The following C6orf141 variants were observed in gnomAD, a reference collection of about 807,000 sequenced individuals.
The protein encoded by C6orf141 is uncharacterized protein C6orf141.
For synonymous variants in C6orf141, 164 were observed against 140.5 expected, an observed-to-expected ratio of 1.17 and a Z score of -1.18; for missense variants, 361 against 335.8, an observed-to-expected ratio of 1.07 and a Z score of -0.59.
chr6:49,551,317 C>G lies in C6orf141; in HGVS notation c.525C>G (p.Ser175=). ...YQVTQEVLQT[S]WAKGRMTTRT... ...TAACACAAGAAGTGTTGCAGACCTC[C>G]TGGGCCAAGGGTCGCATGACCACGA... Residue 175 remains serine (S), a synonymous_variant, in exon 1 of 1, where the codon TCC becomes TCG. Coordinates refer to ENST00000529246, the MANE Select transcript of C6orf141 (RefSeq NM_001145652.2). 6.4e-7 allele frequency: 1 copy of G among 1,551,698 alleles called. No homozygotes were observed. The highest frequency in any genetic ancestry group is 8.7e-7 in the Non-Finnish European group (1 of 1,146,992).
chr6:49,554,726 G>A (rs1430595312), downstream of C6orf141, among the ~76,000 whole-genome samples: 2 of 151,848 alleles, frequency 1.3e-5, no homozygotes, highest in African/African-American at 4.8e-5. Context: ...TTTTCTCACT[G>A]TTTCAAGCAA....
At position 49,551,468 on chromosome 6, in the gene C6orf141, G is replaced by C. The variant is rs775922102; in HGVS notation, c.676G>C (p.Ala226Pro). 1.9e-6 allele frequency: 3 copies of C among 1,551,594 alleles called. No individual in the cohort carries two copies. Among genetic ancestry groups the C allele is most frequent in the Admixed American group, 2.0e-5 (1 of 51,004 alleles). The stretch of plus-strand genomic sequence containing the variant: ...ACGAACAGGGGCATCCCGCGTCCAC[G>C]CCGCGGGGAGGAGGGTTTCACCGTC... ...QARTGASRVH[A>P]AGRRVSPSPG... The change falls in exon 1 of 1, where the codon GCC (alanine) becomes CCC (proline). Residue 226 changes from alanine (A) to proline (P), a missense_variant. Physicochemically the swap from Ala to Pro is conservative, Grantham distance 27 (BLOSUM62 -1). Coordinates refer to ENST00000529246, the MANE Select transcript of C6orf141 (RefSeq NM_001145652.2).
At chr6:49,560,903 A>G (rs1773186521) in intron 4 of C6orf141, 2 of 152,150 alleles carry the variant, frequency 1.3e-5, no homozygotes, top group African/African-American at 4.8e-5. Flanking sequence ...TATTGCTTAA[A>G]TTTTAATAAA....
At chr6:49,557,973 C>T (rs1197442928) in intron 4 of C6orf141, among the ~76,000 whole-genome samples, 1 of 151,930 alleles carries the variant, frequency 6.6e-6, no homozygotes, top group East Asian at 1.9e-4. Flanking sequence ...CTTACTGCAA[C>T]CTCCGCCTCC....
At chr6:49,552,901 T>A (rs188542967), downstream of C6orf141, 1 of 152,238 alleles carries the variant, frequency 6.6e-6, no homozygotes, top group African/African-American at 2.4e-5. Flanking sequence ...AAAAGATGCC[T>A]GAGGATATCC....
At position 49,551,124 on chromosome 6, in the gene C6orf141, C is replaced by A; in HGVS notation, c.332C>A (p.Ala111Asp). The A allele has an allele frequency of 3.9e-6, 6 of 1,551,666 alleles. No homozygotes were observed. The highest frequency in any genetic ancestry group is 5.2e-6 in the Non-Finnish European group (6 of 1,146,968). Residue 111 changes from alanine to aspartate, a missense_variant, in exon 1 of 1, where the codon GCC becomes GAC. Physicochemically the swap from Ala to Asp is moderately radical, Grantham distance 126 (BLOSUM62 -2). Transcript: ENST00000529246. ...TRGDPAREEV[A>D]GAEDLPHAGG... Reference sequence around the variant, plus strand: ...GGGGACCCTGCACGGGAAGAGGTGGCCGGTGCAGAGGACCTTCCTCATGCG... The same window carrying A: ...GGGGACCCTGCACGGGAAGAGGTGGACGGTGCAGAGGACCTTCCTCATGCG...
chr6:49,558,289 G>T (rs1373944376), intron 4 of C6orf141, among the ~76,000 whole-genome samples: 1 of 151,802 alleles, frequency 6.6e-6, no homozygotes, highest in Non-Finnish European at 1.5e-5. Context: ...GAAAAAGAAA[G>T]GCTTTAGTTA....
rs1770717851 is a variant in C6orf141, at chr6:49,551,882, A to T, written c.*355A>T. On this transcript the variant is annotated 3_prime_UTR_variant, in exon 1 of 1. Coordinates refer to ENST00000529246, the MANE Select transcript of C6orf141 (RefSeq NM_001145652.2). ...CGCCCCCCTCTTGTTTCTCTTTAGG[A>T]CCTAGAAACAGAAGTGAAGTTTGAA... 3 of 1,124,698 alleles carry T rather than the reference A, an allele frequency of 2.7e-6. No individual in the cohort carries two copies. The African/African-American group carries it at 5.0e-5, about 19-fold the overall frequency. 69.7% of individuals were successfully genotyped at this position (1,124,698 alleles called of 1,614,324 possible).
Position 49,550,849 on chromosome 6 carries a change from C to T in C6orf141, c.57C>T (p.Pro19=). 2 of 1,496,434 alleles carry T rather than the reference C, an allele frequency of 1.3e-6. No homozygotes were observed. The highest frequency in any genetic ancestry group is 2.5e-5 in the East Asian group (1 of 40,472). The allele number at this position is 1,496,434 out of a possible 1,614,324, so 92.7% of individuals were successfully genotyped here. Residue 19 remains proline (P), a synonymous_variant, in exon 1 of 1, where the codon CCC becomes CCT. Transcript: ENST00000529246. ...ETRGPQGAAN[P]MDSSRSLGDL... is the part of the protein sequence containing the mutation. ...GGGGGCCTCAGGGAGCTGCGAATCC[C>T]ATGGACTCCTCCCGCAGCCTGGGGG...
rs112409542 is a variant in C6orf141 at position 49,551,102 on chromosome 6, G to T, written c.310G>T (p.Asp104Tyr). 2,584 of 1,551,680 alleles carry T rather than the reference G, an allele frequency of 1.7e-3. 38 individuals carry two copies. In the African/African-American group the frequency reaches 0.03, roughly 18 times the overall value. Residue 104 changes from aspartate (D) to tyrosine (Y), a missense_variant, in exon 1 of 1, where the codon GAC becomes TAC. Physicochemically the swap from Asp to Tyr is radical, Grantham distance 160. Coordinates refer to ENST00000529246, the MANE Select transcript of C6orf141 (RefSeq NM_001145652.2). ...AGAGAGGTGGTTAGGGACTCGAGGG[G>T]ACCCTGCACGGGAAGAGGTGGCCGG... ...HPERWLGTRG[D>Y]PAREEVAGAE...
chr6:49,554,444 G>T (rs936409659), downstream of C6orf141, among the ~76,000 whole-genome samples: 2 of 152,078 alleles, frequency 1.3e-5, no homozygotes, highest in African/African-American at 2.4e-5. Context: ...GCAGTGGCAC[G>T]ATCTCTGCTC....
In C6orf141 at chr6:49,559,492, A is replaced by G. The variant is rs182672861; in HGVS notation, c.*764-2212A>G. On this transcript the variant is annotated intron_variant and NMD_transcript_variant, in intron 4 of 4. Transcript: ENST00000371194. Reference sequence around the variant, plus strand: ...GTGCTACTTACTGAAAGCAAAGTCAAGTCTGCATAAGTCCACCTAGGCATG... The same window carrying G: ...GTGCTACTTACTGAAAGCAAAGTCAGGTCTGCATAAGTCCACCTAGGCATG... Among the ~76,000 whole-genome samples, 42 of 152,122 alleles carry G rather than the reference A, an allele frequency of 2.8e-4. 1 individual carries two copies. Among genetic ancestry groups the G allele is most frequent in the Admixed American group, 1.1e-3 (17 of 15,244 alleles).
chr6:49,558,080 T>TTTTTTTC (rs1554168745), intron 4 of C6orf141, among the ~76,000 whole-genome samples: 2 of 138,194 alleles, frequency 1.4e-5, no homozygotes, highest in Non-Finnish European at 3.1e-5. Flanking sequence ...TTTTTTTTTT[T>TTTTTTTC]TTTAGTAGAG....
At chr6:49,558,556 A>G (rs563893930) in intron 4 of C6orf141, among the ~76,000 whole-genome samples, 84 of 152,226 alleles carry the variant, frequency 5.5e-4, no homozygotes, top group African/African-American at 1.9e-3. Context: ...TCTGTAATAA[A>G]TGGTATCAAC....
downstream of C6orf141, chr6:49,554,975 C>T (rs6939457): frequency 0.93 from 142,077 of 152,264 alleles, 66,703 homozygotes; most frequent in East Asian, 1. Context: ...GAAACTTGGG[C>T]ATCCTCAATA....
In C6orf141 at chr6:49,551,021, G is replaced by A. The variant is rs1027221501; in HGVS notation, c.229G>A (p.Glu77Lys). The change falls in exon 1 of 1, where the codon GAG becomes AAG. Residue 77 changes from glutamate (E) to lysine (K), a missense_variant. By Grantham distance (56) the Glu-to-Lys change is moderately conservative. Transcript: ENST00000529246. The part of the protein sequence containing the change: ...ADRALGPRAG[E>K]ELDRESWVRE... Reference sequence around the variant, plus strand: ...TCGGGCCCTCGGACCTCGGGCCGGGGAGGAATTGGACCGTGAGTCCTGGGT... The same window carrying A: ...TCGGGCCCTCGGACCTCGGGCCGGGAAGGAATTGGACCGTGAGTCCTGGGT... The A allele has an allele frequency of 6.4e-7, 1 of 1,551,320 alleles. No individual in the cohort carries two copies. The highest frequency in any genetic ancestry group is 1.4e-5 in the African/African-American group (1 of 73,046).
intron 4 of C6orf141, among the ~76,000 whole-genome samples, chr6:49,559,554 A>G (rs1772858132): frequency 6.6e-6 from 1 of 152,102 alleles, no homozygotes. Context: ...TATAGCATAC[A>G]TAAGCATTAC....
intron 4 of C6orf141, among the ~76,000 whole-genome samples, chr6:49,558,794 G>T (rs959365594): frequency 6.6e-6 from 1 of 151,762 alleles, no homozygotes. Context: ...TGCAAGCTCC[G>T]CCTCCTGGGT....
downstream of C6orf141, chr6:49,552,097 G>C (rs905184688): frequency 6.9e-6 from 2 of 287,890 alleles, no homozygotes; most frequent in African/African-American, 2.3e-5. Flanking sequence ...GGGAAAGAAG[G>C]AGTTGGGGAC....
Sources: allele counts gnomAD v4.1 joint callset (sites outside exome capture counted in the v4.1 genomes callset), GRCh38; gene constraint gnomAD v4.1.1; transcripts MANE v1.5; gene names NCBI Gene and HGNC (gene_info 2026-07-23, HGNC 2026-07-21).